Variants in CEP112 observed in about 807,000 individuals in gnomAD.
The protein encoded by CEP112 is centrosomal protein 112, also known as centrosomal protein of 112 kDa.
A neutral mutation model predicts 153.0 loss-of-function variants in CEP112; 127 were observed. That is an observed-to-expected ratio of 0.83 (90% CI 0.72 to 0.96). The LOEUF (loss-of-function observed/expected upper bound fraction) is 0.96. CEP112 is among the 40% of genes least tolerant of loss of function. The pLI is 0.00. For synonymous variants in CEP112, 358 were observed against 374.4 expected (o/e 0.96, Z 0.51); for missense variants, 1,089 against 1,101.2 (o/e 0.99, Z 0.16).
chr17:65,654,472 C>T (rs2045956904), intron 24 of CEP112, among the ~76,000 whole-genome samples: 2 of 152,238 alleles, frequency 1.3e-5, no homozygotes, highest in African/African-American at 4.8e-5. Flanking sequence ...GGAGTGAAGC[C>T]TGCTGCTTAA....
intron 22 of CEP112, among the ~76,000 whole-genome samples, chr17:65,749,965 A>G (rs2051721711): frequency 2.0e-5 from 3 of 152,182 alleles, no homozygotes; most frequent in African/African-American, 7.2e-5. Context: ...GATAAGTAGT[A>G]TTTATTTGTT....
At chr17:65,646,898 A>G (rs1598180898) in intron 24 of CEP112, among the ~76,000 whole-genome samples, 1 of 152,206 alleles carries the variant, frequency 6.6e-6, no homozygotes, top group Non-Finnish European at 1.5e-5. Context: ...CAACAATAAC[A>G]ATGACAACAA....
intron 9 of CEP112, among the ~76,000 whole-genome samples, chr17:66,068,077 G>A (rs2067186933): frequency 1.3e-5 from 2 of 152,114 alleles, no homozygotes; most frequent in African/African-American, 4.8e-5. Flanking sequence ...TTTATATTAT[G>A]TCAGAAGTTT....
chr17:65,651,037 C>T (rs1420017237), intron 24 of CEP112, among the ~76,000 whole-genome samples: 3 of 152,082 alleles, frequency 2.0e-5, no homozygotes, highest in Admixed American at 2.0e-4. Context: ...CAAACCATCA[C>T]CTGAGCAGTG....
chr17:65,989,137 A>T (rs1245171182), intron 17 of CEP112, among the ~76,000 whole-genome samples: 1 of 151,434 alleles, frequency 6.6e-6, no homozygotes, highest in African/African-American at 2.4e-5. Flanking sequence ...TGGGAGGCTG[A>T]GGCAGAAGAA....
At chr17:66,114,835 T>G (rs2069209145) in intron 6 of CEP112, among the ~76,000 whole-genome samples, 1 of 151,930 alleles carries the variant, frequency 6.6e-6, no homozygotes, top group South Asian at 2.1e-4. Context: ...GTATTAGTCA[T>G]CAGGAAAACA....
chr17:65,981,399 T>C (rs922810423), intron 17 of CEP112, among the ~76,000 whole-genome samples: 1 of 152,174 alleles, frequency 6.6e-6, no homozygotes, highest in Non-Finnish European at 1.5e-5. Context: ...AGCCAACATA[T>C]CTATGAGAAG....
chr17:65,781,125 T>G (rs1174369496), intron 21 of CEP112, among the ~76,000 whole-genome samples: 2 of 152,108 alleles, frequency 1.3e-5, no homozygotes, highest in Non-Finnish European at 2.9e-5. Flanking sequence ...AGGACGTTCT[T>G]GAGATTTAAG....
At chr17:65,963,687 G>A (rs1015835023) in intron 17 of CEP112, among the ~76,000 whole-genome samples, 1 of 151,934 alleles carries the variant, frequency 6.6e-6, no homozygotes, top group African/African-American at 2.4e-5. Flanking sequence ...GTGTGTGTGT[G>A]TGTGTGTGTG....
chr17:65,823,908 GA>G (rs1284450220), intron 21 of CEP112, among the ~76,000 whole-genome samples: 2 of 152,180 alleles, frequency 1.3e-5, no homozygotes, highest in African/African-American at 2.4e-5. Flanking sequence ...TGAATGGTGA[GA>G]AATGTGTATT....
chr17:65,667,245 C>T (rs2046740862), intron 24 of CEP112, among the ~76,000 whole-genome samples: 2 of 152,084 alleles, frequency 1.3e-5, no homozygotes, highest in Admixed American at 6.5e-5. Context: ...GATGGACCCA[C>T]CAAGCCTTAA....
chr17:65,865,723 C>A (rs1190143815), intron 20 of CEP112, among the ~76,000 whole-genome samples: 1 of 152,254 alleles, frequency 6.6e-6, no homozygotes, highest in Non-Finnish European at 1.5e-5. Flanking sequence ...CTGCCCCTCA[C>A]CTGCCACTGC....
chr17:65,999,795 C>T (rs1292804743), intron 17 of CEP112, among the ~76,000 whole-genome samples: 1 of 150,876 alleles, frequency 6.6e-6, no homozygotes, highest in Non-Finnish European at 1.5e-5. Context: ...CATTTAGCTC[C>T]CACTTATGAG....
At chr17:65,636,347 A>G (rs1339229436) in intron 26 of CEP112, among the ~76,000 whole-genome samples, 3 of 152,214 alleles carry the variant, frequency 2.0e-5, no homozygotes, top group Non-Finnish European at 4.4e-5. Context: ...CACTGAGGGT[A>G]CTCAAGTCAC....
intron 25 of CEP112, among the ~76,000 whole-genome samples, 165 bp from the exon 26 acceptor site, chr17:65,637,353 C>T (rs1315019124): frequency 6.6e-6 from 1 of 152,220 alleles, no homozygotes; most frequent in African/African-American, 2.4e-5. Flanking sequence ...CACATCCCAT[C>T]CTTATTGAAA....
intron 21 of CEP112, among the ~76,000 whole-genome samples, chr17:65,808,068 C>T (rs1025835229): frequency 3.6e-4 from 55 of 152,262 alleles, no homozygotes; most frequent in African/African-American, 1.1e-3. Context: ...AGTGGCAGAG[C>T]TGCCCAAGGC....
intron 17 of CEP112, among the ~76,000 whole-genome samples, chr17:65,969,800 C>T (rs1350251950): frequency 6.6e-6 from 1 of 151,634 alleles, no homozygotes; most frequent in African/African-American, 2.4e-5. Flanking sequence ...GCATGCGCAT[C>T]ACATGTATAT....
Position 66,141,259 on chromosome 17 carries a change from A to T in CEP112, c.471-8496T>A, listed in dbSNP as rs985684382. 2.0e-5 allele frequency among the ~76,000 whole-genome samples: 3 copies of T among 151,806 alleles called. 1 individual carries two copies. Among genetic ancestry groups the T allele is most frequent in the African/African-American group, 7.3e-5 (3 of 41,164 alleles). ...GTTTTCTGTTTCCATTGTGATTTTCAGATTTAGTAATCATGTTTTTCAATT... is the reference window on the plus strand; with the variant it reads ...GTTTTCTGTTTCCATTGTGATTTTCTGATTTAGTAATCATGTTTTTCAATT... On this transcript the variant is annotated intron_variant, in intron 4 of 26. Transcript: ENST00000535342.
chr17:65,964,044 G>A (rs1488021395), intron 17 of CEP112, among the ~76,000 whole-genome samples: 1 of 152,200 alleles, frequency 6.6e-6, no homozygotes, highest in East Asian at 1.9e-4. Flanking sequence ...TCCAGGTCAT[G>A]AGGCATGCCA....
Sources: allele counts gnomAD v4.1 joint callset (sites outside exome capture counted in the v4.1 genomes callset), GRCh38; gene constraint gnomAD v4.1.1; transcripts MANE v1.5; gene names NCBI Gene and HGNC (gene_info 2026-07-23, HGNC 2026-07-21).